HAS1: variants seen among roughly 807,000 people sequenced by gnomAD.
HAS1 encodes HA synthase 1.
Under a neutral mutation model 35.0 loss-of-function variants are expected in HAS1, and 27 were observed. That is an observed-to-expected ratio of 0.77 (90% CI 0.57 to 1.06). HAS1 has a LOEUF of 1.06. Among genes scored for constraint, HAS1 ranks in the 50% least tolerant of loss-of-function variants. The probability of loss-of-function intolerance (pLI) is 0.00; values close to 1 mark genes in which losing one functional copy is unlikely to be tolerated. For synonymous variants in HAS1, 409 were observed against 371.2 expected (o/e 1.10, Z -1.17); for missense variants, 940 against 814.8 (o/e 1.15, Z -1.87).
intron 1 of HAS1, among the ~76,000 whole-genome samples, chr19:51,721,438 A>G (rs924131588): frequency 6.6e-6 from 1 of 152,176 alleles, no homozygotes; most frequent in Non-Finnish European, 1.5e-5. Context: ...TGTGCCAGAC[A>G]CTACTGTACA....
In HAS1 at chr19:51,713,440, C is replaced by T; in HGVS notation, c.1721G>A (p.Arg574His). 3 of 1,532,032 alleles carry T rather than the reference C, an allele frequency of 2.0e-6. No individual in the cohort carries two copies. The highest frequency in any genetic ancestry group is 1.4e-5 in the African/African-American group (1 of 72,426). 94.9% of individuals were successfully genotyped at this position (1,532,032 alleles called of 1,614,324 possible). ...GCGTGGCTGGACTCACACCTGGACG[C>T]GGTAGCCCCCGGTCCGCCGCCGGCA... Reference protein sequence around the residue: ...RLCRRRTGGYRVQV With the variant: ...RLCRRRTGGYHVQV Residue 574 changes from arginine (R) to histidine (H), a missense_variant, in exon 5 of 5, where the codon CGC becomes CAC. Arg to His is a conservative substitution (Grantham distance 29). Coordinates refer to ENST00000540069, the MANE Select transcript of HAS1 (RefSeq NM_001297436.2). The surrounding 1 kb of genome is among the most constrained non-coding windows in gnomAD (Gnocchi z 4.5).
In HAS1 at chr19:51,719,935, C is replaced by T. The variant is rs1464592419; in HGVS notation, c.10-40G>A. On this transcript the variant is annotated intron_variant, in intron 1 of 4. Transcript: ENST00000540069. The stretch of plus-strand genomic sequence containing the variant: ...AGGGGAAAGGAAGGGGCATGAGTCC[C>T]GGGCGCATGAGCCTCCTCCGAGAGA... The T allele has an allele frequency of 3.7e-6, 5 of 1,346,938 alleles. No individual in the cohort carries two copies. The African/African-American group carries it at 5.9e-5, about 16-fold the overall frequency. 83.4% of individuals were successfully genotyped at this position (1,346,938 alleles called of 1,614,324 possible).
chr19:51,713,816 C>T lies in HAS1; in HGVS notation c.1345G>A (p.Ala449Thr). Residue 449 changes from alanine (A) to threonine (T), a missense_variant, in exon 5 of 5, where the codon GCC becomes ACC. Transcript: ENST00000540069. This position sits in a 1 kb window ranked among gnomAD's most constrained non-coding sequence, Gnocchi z 4.5. ...GVALAKAAFA[A>T]WLRGCLRMVL... Reference sequence around the variant, plus strand: ...ATGCGCAGGCAGCCCCGCAGCCAGGCCGCGAAGGCCGCCTTGGCCAGTGCC... The same window carrying T: ...ATGCGCAGGCAGCCCCGCAGCCAGGTCGCGAAGGCCGCCTTGGCCAGTGCC... 6.2e-7 allele frequency: 1 copy of T among 1,605,876 alleles called. No individual in the cohort carries two copies. Among genetic ancestry groups the T allele is most frequent in the African/African-American group, 1.3e-5 (1 of 74,934 alleles).
Position 51,719,252 on chromosome 19 carries a change from A to C in HAS1, c.653T>G (p.Met218Arg). 1 of 1,607,390 alleles carries C rather than the reference A, an allele frequency of 6.2e-7. No individual in the cohort carries two copies. The highest frequency in any genetic ancestry group is 8.5e-7 in the Non-Finnish European group (1 of 1,177,278). ...TCCGAGCGCCTTGAAGGCTGTGTAC[A>C]TGACCTCGCGCTTGCCGCCCCAGCG... ...AQRWGGKREV[M>R]YTAFKALGDS... The change falls in exon 2 of 5, where the codon ATG (methionine) becomes AGG (arginine). Residue 218 changes from methionine (M) to arginine (R), a missense_variant. Coordinates refer to ENST00000540069, the MANE Select transcript of HAS1 (RefSeq NM_001297436.2).
At position 51,719,750 on chromosome 19, in the gene HAS1, A is replaced by G; in HGVS notation, c.155T>C (p.Leu52Pro). The change falls in exon 2 of 5, where the codon CTC becomes CCC. Residue 52 changes from leucine to proline, a missense_variant. Leu to Pro is a moderately conservative substitution (Grantham distance 98). Coordinates refer to ENST00000540069, the MANE Select transcript of HAS1 (RefSeq NM_001297436.2). Reference sequence around the variant, plus strand: ...GGCCCCGTAGAGGCCGAAGGCCAGGAGGCCGTAGCGATCGGAGGCCAGCGG... The same window carrying G: ...GGCCCCGTAGAGGCCGAAGGCCAGGGGGCCGTAGCGATCGGAGGCCAGCGG... ...GVPLASDRYGLLAFGLYGAFL... is the reference protein window; with the variant it reads ...GVPLASDRYGPLAFGLYGAFL... 1 of 1,567,172 alleles carries G rather than the reference A, an allele frequency of 6.4e-7. No homozygotes were observed.
At chr19:51,722,207 C>T (rs1167578474) in intron 1 of HAS1, among the ~76,000 whole-genome samples, 1 of 152,118 alleles carries the variant, frequency 6.6e-6, no homozygotes, top group Non-Finnish European at 1.5e-5. Flanking sequence ...GCCAGTATCA[C>T]CGAGGAACTG....
chr19:51,720,307 G>T (rs1265935647), intron 1 of HAS1, among the ~76,000 whole-genome samples: 3 of 151,642 alleles, frequency 2.0e-5, no homozygotes. Flanking sequence ...TAGAGCCGGG[G>T]GTCTCCCTAC....
Position 51,713,798 on chromosome 19 carries a change from G to T in HAS1, c.1363C>A (p.Leu455Met). 1 of 1,605,932 alleles carries T rather than the reference G, an allele frequency of 6.2e-7. No individual in the cohort carries two copies. ...AAFAAWLRGC[L>M]RMVLLSLYAP... ...TAGAGCGACAGAAGCACCATGCGCAGGCAGCCCCGCAGCCAGGCCGCGAAG... is the reference window on the plus strand; with the variant it reads ...TAGAGCGACAGAAGCACCATGCGCATGCAGCCCCGCAGCCAGGCCGCGAAG... The change falls in exon 5 of 5, where the codon CTG becomes ATG. Residue 455 changes from leucine (L) to methionine (M), a missense_variant. Coordinates refer to ENST00000540069, the MANE Select transcript of HAS1 (RefSeq NM_001297436.2). The surrounding 1 kb of genome is among the most constrained non-coding windows in gnomAD (Gnocchi z 4.5).
chr19:51,719,721 G>GGAAGGCCCCGTAGAGGCC lies in HAS1; in HGVS notation c.166_183dup (p.Gly56_Phe61dup). ...CTCTGCGCCACCAGGTGCGCTGAAAGGAAGGCCCCGTAGAGGCCGAAGGCC... is the reference window on the plus strand; with the variant it reads ...CTCTGCGCCACCAGGTGCGCTGAAAGGAAGGCCCCGTAGAGGCCGAAGGCCCCGTAGAGGCCGAAGGCC... On this transcript the variant is annotated inframe_insertion, in exon 2 of 5. Transcript: ENST00000540069. 1.9e-6 allele frequency: 3 copies of GGAAGGCCCCGTAGAGGCC among 1,569,288 alleles called. No individual in the cohort carries two copies. The highest frequency in any genetic ancestry group is 1.4e-5 in the African/African-American group (1 of 73,924).
At chr19:51,718,572 T>C (rs12609884) in intron 2 of HAS1, among the ~76,000 whole-genome samples, 44,153 of 152,076 alleles carry the variant, frequency 0.29, 7,057 homozygotes, top group Middle Eastern at 0.44. Flanking sequence ...GTTTTGCTCT[T>C]GTTGCCCAGG....
rs199522998 is a variant in HAS1, at chr19:51,713,882, G to A, written c.1279C>T (p.Pro427Ser). Reference sequence around the variant, plus strand: ...AGCAGCACCCACAGCAGCGCCCAAGGGCGGCCCGCGTAGAACAGACGCAGC... The same window carrying A: ...AGCAGCACCCACAGCAGCGCCCAAGAGCGGCCCGCGTAGAACAGACGCAGC... ...TVLRLFYAGR[P>S]WALLWVLLCV... The change falls in exon 5 of 5, where the codon CCT becomes TCT. Residue 427 changes from proline to serine, a missense_variant. Pro to Ser is a moderately conservative substitution (Grantham distance 74, BLOSUM62 -1). Transcript: ENST00000540069. The surrounding 1 kb of genome is among the most constrained non-coding windows in gnomAD (Gnocchi z 4.5). The A allele has an allele frequency of 6.8e-6, 11 of 1,606,206 alleles. No homozygotes were observed. Among genetic ancestry groups the A allele is most frequent in the African/African-American group, 1.3e-5 (1 of 75,060 alleles).
In HAS1 at chr19:51,719,780, C is replaced by T; in HGVS notation, c.125G>A (p.Gly42Glu). ...LGLMTWAYAA[G>E]VPLASDRYGL... ...GTAGCGATCGGAGGCCAGCGGCACC[C>T]CGGCGGCGTAGGCCCAGGTCATGAG... Residue 42 changes from glycine (G) to glutamate (E), a missense_variant, in exon 2 of 5, where the codon GGG (glycine) becomes GAG (glutamate). By Grantham distance (98) the Gly-to-Glu change is moderately conservative. Coordinates refer to ENST00000540069, the MANE Select transcript of HAS1 (RefSeq NM_001297436.2). The T allele has an allele frequency of 6.4e-7, 1 of 1,561,220 alleles. No homozygotes were observed. The highest frequency in any genetic ancestry group is 8.6e-7 in the Non-Finnish European group (1 of 1,156,834).
At chr19:51,715,030 T>C (rs572934535) in intron 4 of HAS1, among the ~76,000 whole-genome samples, 2 of 152,216 alleles carry the variant, frequency 1.3e-5, no homozygotes, top group African/African-American at 4.8e-5. Flanking sequence ...CTCCTTCCTG[T>C]TTTGTGGCAG....
chr19:51,714,136 G>A (rs764475340), intron 4 of HAS1, 34 bp from the exon 5 acceptor site: 30 of 1,591,092 alleles, frequency 1.9e-5, no homozygotes, highest in Non-Finnish European at 2.6e-5. Context: ...GCATCATCGC[G>A]TGCTCCCTGG....
In HAS1 at chr19:51,719,624, C is replaced by A. The variant is rs1170536716; in HGVS notation, c.281G>T (p.Arg94Leu). Residue 94 changes from arginine to leucine, a missense_variant, in exon 2 of 5, where the codon CGC (arginine) becomes CTC (leucine). Physicochemically the swap from Arg to Leu is moderately radical, Grantham distance 102 (BLOSUM62 -2). Coordinates refer to ENST00000540069, the MANE Select transcript of HAS1 (RefSeq NM_001297436.2). ...ARGPLDAATARSVALTISAYQ... is the reference protein window; with the variant it reads ...ARGPLDAATALSVALTISAYQ... ...GGCGGAGATGGTCAGCGCCACACTG[C>A]GCGCGGTGGCTGCATCCAGCGGCCC... The A allele has an allele frequency of 6.5e-7, 1 of 1,538,940 alleles. No homozygotes were observed. The highest frequency in any genetic ancestry group is 8.7e-7 in the Non-Finnish European group (1 of 1,143,888).
In HAS1 at chr19:51,714,060, G is replaced by A; in HGVS notation, c.1101C>T (p.Ser367=). 6.2e-7 allele frequency: 1 copy of A among 1,613,740 alleles called. No homozygotes were observed. Among genetic ancestry groups the A allele is most frequent in the Non-Finnish European group, 8.5e-7 (1 of 1,179,908 alleles). ...TCTGCTGGCTCAGCCACCGCAGGAAGGACGAGGGCGTCTCTGAGTAGCAGC... is the reference window on the plus strand; with the variant it reads ...TCTGCTGGCTCAGCCACCGCAGGAAAGACGAGGGCGTCTCTGAGTAGCAGC... ...RSRCYSETPS[S]FLRWLSQQTR... The change falls in exon 5 of 5, where the codon TCC becomes TCT. Residue 367 remains serine (S), a synonymous_variant. Coordinates refer to ENST00000540069, the MANE Select transcript of HAS1 (RefSeq NM_001297436.2).
intron 1 of HAS1, among the ~76,000 whole-genome samples, chr19:51,721,695 G>C (rs1428812287): frequency 6.6e-6 from 1 of 152,142 alleles, no homozygotes; most frequent in Non-Finnish European, 1.5e-5. Context: ...GAACCCCTGA[G>C]GTGGAGGTTG....
chr19:51,720,413 G>A lies in HAS1; in HGVS notation c.10-518C>T, dbSNP rs371128306. 5.3e-4 allele frequency among the ~76,000 whole-genome samples: 81 copies of A among 152,178 alleles called. 2 individuals are homozygous for A. In the South Asian group the frequency reaches 0.017, roughly 31 times the overall value. ...TTACAGGCATGAGCTACCTCGCCGG[G>A]CCCCAAAATTATTTTCATTAACGAA... On this transcript the variant is annotated intron_variant, in intron 1 of 4. Transcript: ENST00000540069.
chr19:51,719,727 C>A lies in HAS1; in HGVS notation c.178G>T (p.Ala60Ser). Reference sequence around the variant, plus strand: ...GCCACCAGGTGCGCTGAAAGGAAGGCCCCGTAGAGGCCGAAGGCCAGGAGG... The same window carrying A: ...GCCACCAGGTGCGCTGAAAGGAAGGACCCGTAGAGGCCGAAGGCCAGGAGG... The part of the protein sequence containing the change: ...YGLLAFGLYG[A>S]FLSAHLVAQS... Residue 60 changes from alanine (A) to serine (S), a missense_variant, in exon 2 of 5, where the codon GCC becomes TCC. Coordinates refer to ENST00000540069, the MANE Select transcript of HAS1 (RefSeq NM_001297436.2). The A allele has an allele frequency of 6.4e-7, 1 of 1,569,542 alleles. No homozygotes were observed. Among genetic ancestry groups the A allele is most frequent in the South Asian group, 1.2e-5 (1 of 86,112 alleles).
Sources: allele counts gnomAD v4.1 joint callset (sites outside exome capture counted in the v4.1 genomes callset), GRCh38; gene constraint gnomAD v4.1.1; non-coding constraint Gnocchi (gnomAD v3.1); transcripts MANE v1.5; gene names NCBI Gene and HGNC (gene_info 2026-07-23, HGNC 2026-07-21).